The following ECPAS variants were observed in gnomAD, a reference collection of about 807,000 sequenced individuals.
The protein encoded by ECPAS is proteasome adapter and scaffold protein ECM29.
Under a neutral mutation model 255.1 loss-of-function variants are expected in ECPAS, and 70 were observed. The ratio of observed to expected loss-of-function variants is 0.27; its 90% confidence interval spans 0.23 to 0.33. The LOEUF (loss-of-function observed/expected upper bound fraction) is 0.33, where lower values mean the gene tolerates loss of function less well. Ranked by LOEUF, ECPAS falls within the 10% of genes least tolerant of loss-of-function variation. ECPAS has a pLI of 1.00. For missense variants in ECPAS, 1,817 were observed against 2,206.4 expected, an observed-to-expected ratio of 0.82 and a Z score of 3.54; for synonymous variants, 784 against 775.0, an observed-to-expected ratio of 1.01 and a Z score of -0.19.
intron 18 of ECPAS, among the ~76,000 whole-genome samples, chr9:111,415,812 G>A (rs1231367235): frequency 6.6e-6 from 1 of 151,936 alleles, no homozygotes; most frequent in African/African-American, 2.4e-5. Flanking sequence ...AGGATAGGCA[G>A]CAAATTCACT....
At chr9:111,415,473 G>A (rs2098201933) in intron 18 of ECPAS, among the ~76,000 whole-genome samples, 1 of 152,124 alleles carries the variant, frequency 6.6e-6, no homozygotes, top group Non-Finnish European at 1.5e-5. Context: ...GCTGAGGCAG[G>A]AGGACTGCTT....
rs751369814 is a variant in ECPAS, at chr9:111,444,423, T to C, written c.225A>G (p.Thr75=). ...CAGGGTCCTGGTACTGAACCAACAG[T>C]GTCTCTACTGGAAGTTGTATTTTGG... ...SRPKIQLPVE[T]LLVQYQDPAA... is the part of the protein sequence containing the mutation. The change falls in exon 4 of 50, where the codon ACA becomes ACG. Residue 75 remains threonine, a synonymous_variant. Transcript: ENST00000684092. 88 of 1,613,786 alleles carry C rather than the reference T, an allele frequency of 5.5e-5. No homozygotes were observed. Among genetic ancestry groups the C allele is most frequent in the Non-Finnish European group, 7.0e-5 (83 of 1,179,820 alleles).
chr9:111,456,381 A>T (rs1281018381), intron 2 of ECPAS, among the ~76,000 whole-genome samples: 1 of 152,206 alleles, frequency 6.6e-6, no homozygotes, highest in Non-Finnish European at 1.5e-5. Flanking sequence ...GCAGAGTAAG[A>T]ATAAGAATGG....
intron 3 of ECPAS, among the ~76,000 whole-genome samples, chr9:111,448,023 TAGA>T (rs1289715043): frequency 6.6e-6 from 1 of 152,074 alleles, no homozygotes; most frequent in African/African-American, 2.4e-5. Context: ...TCAAAAGAGC[TAGA>T]AGATCTAAAA....
At chr9:111,422,618 T>C (rs1254566904) in intron 13 of ECPAS, among the ~76,000 whole-genome samples, 1 of 152,170 alleles carries the variant, frequency 6.6e-6, no homozygotes, top group Non-Finnish European at 1.5e-5. Context: ...CCTTTCACTG[T>C]AGAGAAGAGC....
At chr9:111,452,603 C>A (rs1210425462) in intron 2 of ECPAS, among the ~76,000 whole-genome samples, 1 of 152,132 alleles carries the variant, frequency 6.6e-6, no homozygotes, top group African/African-American at 2.4e-5. Flanking sequence ...ATAACAGATA[C>A]TGAGAATTAC....
At chr9:111,440,646 A>C in intron 5 of ECPAS, 125 bp from the exon 6 acceptor site, 4 of 660,870 alleles carry the variant, frequency 6.1e-6, no homozygotes, top group Non-Finnish European at 1.0e-5. Context: ...ATTCCTTTTC[A>C]ACACTACTAA....
At chr9:111,465,870 C>CA (rs536342304) in intron 2 of ECPAS, among the ~76,000 whole-genome samples, 139 of 151,560 alleles carry the variant, frequency 9.2e-4, no homozygotes, top group African/African-American at 3.2e-3. Context: ...CCCATCTCTA[C>CA]AAAAAATTGA....
intron 24 of ECPAS, among the ~76,000 whole-genome samples, chr9:111,400,547 G>A (rs1469507859): frequency 6.6e-6 from 1 of 152,104 alleles, no homozygotes; most frequent in Non-Finnish European, 1.5e-5. Context: ...CATGGAGAAG[G>A]AATTCAGAAA....
At chr9:111,440,335 C>A (rs768860781) in intron 6 of ECPAS, 37 bp downstream of exon 6, 6 of 1,553,638 alleles carry the variant, frequency 3.9e-6, no homozygotes, top group Non-Finnish European at 5.2e-6. Flanking sequence ...GTAGTAAAAG[C>A]AGTCAAGAAC....
Position 111,392,793 on chromosome 9 carries a change from C to T in ECPAS, c.3067G>A (p.Val1023Met). The T allele has an allele frequency of 1.2e-6, 2 of 1,613,282 alleles. No homozygotes were observed. Among genetic ancestry groups the T allele is most frequent in the South Asian group, 1.1e-5 (1 of 90,910 alleles). The part of the protein sequence containing the change: ...QDQQELVSTL[V>M]ETLMTGKRVK... Reference sequence around the variant, plus strand: ...CTTTTGCCAGTCATAAGTGTTTCCACAAGTGTAGAAACCAATTCCTGTTGA... The same window carrying T: ...CTTTTGCCAGTCATAAGTGTTTCCATAAGTGTAGAAACCAATTCCTGTTGA... Residue 1023 changes from valine to methionine, a missense_variant, in exon 28 of 50, where the codon GTG becomes ATG. By Grantham distance (21) the Val-to-Met change is conservative. Around this residue, in one of 4 missense-constraint regions of ECPAS, gnomAD observed 960 missense variants for 1,179.0 expected, o/e 0.81. Transcript: ENST00000684092.
intron 2 of ECPAS, among the ~76,000 whole-genome samples, chr9:111,457,461 T>C (rs2098268303): frequency 6.6e-6 from 1 of 152,164 alleles, no homozygotes; most frequent in Non-Finnish European, 1.5e-5. Flanking sequence ...GGAATTACCT[T>C]AGATAGGACA....
Position 111,471,062 on chromosome 9 carries a change from CGTTAA to C in ECPAS, c.22+1830_22+1834del, listed in dbSNP as rs763366010. Among the ~76,000 whole-genome samples the C allele has an allele frequency of 3.3e-5, 5 of 152,178 alleles. No individual in the cohort carries two copies. In the East Asian group the frequency reaches 7.7e-4, roughly 23 times the overall value. ...ACTGCATAAAAGTCTAATGTACGATCGTTAAGATCCACCCAAAGCAGCTAATTACT... is the reference window on the plus strand; with the variant it reads ...ACTGCATAAAAGTCTAATGTACGATCGATCCACCCAAAGCAGCTAATTACT... On this transcript the variant is annotated intron_variant, in intron 2 of 49. Coordinates refer to ENST00000684092, the MANE Select transcript of ECPAS (RefSeq NM_001364929.1).
chr9:111,481,342 T>C (rs952121760), intron 1 of ECPAS, among the ~76,000 whole-genome samples: 34 of 151,654 alleles, frequency 2.2e-4, no homozygotes, highest in Admixed American at 2.1e-3. Flanking sequence ...CCGTCTCTAC[T>C]AAAAATACAA....
intron 10 of ECPAS, 52 bp from the exon 11 acceptor site, chr9:111,425,880 T>C (rs1346408543): frequency 1.1e-6 from 1 of 885,676 alleles, no homozygotes; most frequent in South Asian, 1.6e-5. Flanking sequence ...AAGAATTTAA[T>C]ATTTTTGAAT....
At chr9:111,385,527 T>A in intron 32 of ECPAS, 85 bp from the exon 33 acceptor site, 1 of 808,734 alleles carries the variant, frequency 1.2e-6, no homozygotes, top group Non-Finnish European at 2.0e-6. Flanking sequence ...AGAATACAGA[T>A]TCTGCCTCTA....
chr9:111,457,018 C>A (rs542737011), intron 2 of ECPAS, among the ~76,000 whole-genome samples: 1 of 152,212 alleles, frequency 6.6e-6, no homozygotes, highest in East Asian at 1.9e-4. Context: ...AAAAAGAAAA[C>A]GTGGGGTCAG....
Position 111,389,626 on chromosome 9 carries a change from A to G in ECPAS, c.3377T>C (p.Phe1126Ser). The change falls in exon 31 of 50, where the codon TTT becomes TCT. Residue 1126 changes from phenylalanine (F) to serine (S), a missense_variant. By Grantham distance (155) the Phe-to-Ser change is radical. Transcript: ENST00000684092. ...CTGTCGAATGCCAAGGTTGGGATCA[A>G]ACTGGTAACGATAAAGTCGAGGAAC... ...QLVPRLYRYQ[F>S]DPNLGIRQAM... is the part of the protein sequence containing the mutation. 1 of 1,613,996 alleles carries G rather than the reference A, an allele frequency of 6.2e-7. No individual in the cohort carries two copies. Among genetic ancestry groups the G allele is most frequent in the Non-Finnish European group, 8.5e-7 (1 of 1,179,854 alleles).
rs1207401991 is a variant in ECPAS, at chr9:111,378,610, A to G, written c.3924T>C (p.Tyr1308=). 4 of 1,613,662 alleles carry G rather than the reference A, an allele frequency of 2.5e-6. No individual in the cohort carries two copies. Among genetic ancestry groups the G allele is most frequent in the Non-Finnish European group, 3.4e-6 (4 of 1,179,624 alleles). Residue 1308 remains tyrosine (Y), a synonymous_variant, in exon 36 of 50, where the codon TAT becomes TAC. Transcript: ENST00000684092. ...LSVLEPQVLN[Y]LSLRATEQEK... ...CTTGCTCTGTCGCCCGGAGGCTCAA[A>G]TAATTGAGAACTTGGGGCTCCAATA...
Sources: allele counts gnomAD v4.1 joint callset (sites outside exome capture counted in the v4.1 genomes callset), GRCh38; gene constraint gnomAD v4.1.1; regional missense constraint gnomAD v4.1.1; transcripts MANE v1.5; gene names NCBI Gene and HGNC (gene_info 2026-07-23, HGNC 2026-07-21).